TMEM19: variants seen among roughly 807,000 people sequenced by gnomAD.
TMEM19 encodes the protein transmembrane protein 19.
Under a neutral mutation model 33.6 loss-of-function variants are expected in TMEM19, and 21 were observed. The observed-to-expected ratio is 0.62, with a 90% confidence interval of 0.44 to 0.90. The LOEUF (loss-of-function observed/expected upper bound fraction) is 0.90, where lower values mean the gene tolerates loss of function less well. Among genes scored for constraint, TMEM19 ranks in the 40% least tolerant of loss-of-function variants. The probability of loss-of-function intolerance (pLI) is 0.00; values close to 1 mark genes in which losing one functional copy is unlikely to be tolerated. For synonymous variants in TMEM19, 149 were observed against 147.5 expected (o/e 1.01, Z -0.07); for missense variants, 402 against 401.8 (o/e 1.00, Z 0.00).
intron 2 of TMEM19, among the ~76,000 whole-genome samples, chr12:71,693,355 C>T (rs1166108389): frequency 6.6e-6 from 1 of 152,036 alleles, no homozygotes; most frequent in African/African-American, 2.4e-5. Flanking sequence ...CGCCGCCACA[C>T]CCAGCTTTTC....
At chr12:71,692,730 ACTC>A (rs1881805169) in intron 2 of TMEM19, among the ~76,000 whole-genome samples, 1 of 152,012 alleles carries the variant, frequency 6.6e-6, no homozygotes, top group African/African-American at 2.4e-5. Context: ...TAGATTATAA[ACTC>A]CTTGAGGACA....
chr12:71,700,107 C>A (rs570593353), intron 5 of TMEM19, among the ~76,000 whole-genome samples: 1 of 152,210 alleles, frequency 6.6e-6, no homozygotes, highest in Non-Finnish European at 1.5e-5. Flanking sequence ...CTTCCTCCCC[C>A]TCTCCATCAG....
chr12:71,694,181 AGTCTCTAAGCTGCACACT>A (rs1881832889), intron 2 of TMEM19, among the ~76,000 whole-genome samples: 1 of 152,238 alleles, frequency 6.6e-6, no homozygotes, highest in Admixed American at 6.5e-5. Context: ...AGTCACAGTC[AGTCTCTAAGCTGCACACT>A]GAAGTGGAGG....
Position 71,700,908 on chromosome 12 carries a change from T to G in TMEM19, c.924T>G (p.Leu308=). Residue 308 remains leucine, a synonymous_variant, in exon 6 of 6, where the codon CTT becomes CTG. Transcript: ENST00000266673. ...GGCACATAGCAGGGAAACCCATTCT[T>G]GATAACAACGCAGTGAATCTGTTTT... ...KARHIAGKPI[L]DNNAVNLFSS... 1 of 1,613,940 alleles carries G rather than the reference T, an allele frequency of 6.2e-7. No individual in the cohort carries two copies. The highest frequency in any genetic ancestry group is 8.5e-7 in the Non-Finnish European group (1 of 1,179,908).
At chr12:71,697,170 T>G in intron 3 of TMEM19, 110 bp from the exon 4 acceptor site, 1 of 1,438,206 alleles carries the variant, frequency 7.0e-7, no homozygotes, top group South Asian at 1.4e-5. Flanking sequence ...TTTTTAAATT[T>G]TTTTGTTGTT....
In TMEM19 at chr12:71,686,492, T is replaced by C. The variant is rs2304269; in HGVS notation, c.-189T>C. On this transcript the variant is annotated 5_prime_UTR_variant, in exon 1 of 6. Coordinates refer to ENST00000266673, the MANE Select transcript of TMEM19 (RefSeq NM_018279.4). The stretch of plus-strand genomic sequence containing the variant: ...GAGGCGTTGACCACGCCCATATGAA[T>C]TGGAGCTCTCCGCCAGTAGGAGTTT... The C allele has an allele frequency of 0.093, 51,093 of 551,848 alleles. 4,721 individuals are homozygous for C. The highest frequency in any genetic ancestry group is 0.41 in the East Asian group (10,306 of 24,994). The allele number at this position is 551,848 out of a possible 1,614,324, so 34.2% of individuals were successfully genotyped here.
chr12:71,698,607 A>AAGAGAGAGAGAG (rs71068787), intron 4 of TMEM19, among the ~76,000 whole-genome samples: 3 of 121,232 alleles, frequency 2.5e-5, no homozygotes, highest in East Asian at 5.8e-4. Context: ...TGTCTCTGAA[A>AAGAGAGAGAGAG]AGAGAGAGAG....
At position 71,689,697 on chromosome 12, in the gene TMEM19, T is replaced by A. The variant is rs1881752645; in HGVS notation, c.237T>A (p.Ala79=). The A allele has an allele frequency of 6.2e-7, 1 of 1,609,198 alleles. No individual in the cohort carries two copies. Among genetic ancestry groups the A allele is most frequent in the Admixed American group, 1.7e-5 (1 of 59,842 alleles). ...LKKKSLDHSG[A]LGGLVVGFIL... ...AGAAAAGTCTAGATCACAGTGGGGCTCTAGGAGGTATGTTTTTATTTTGAA... is the reference window on the plus strand; with the variant it reads ...AGAAAAGTCTAGATCACAGTGGGGCACTAGGAGGTATGTTTTTATTTTGAA... Residue 79 remains alanine, a synonymous_variant, in exon 2 of 6, where the codon GCT becomes GCA. Transcript: ENST00000266673.
chr12:71,693,417 G>T (rs1881819150), intron 2 of TMEM19, among the ~76,000 whole-genome samples: 1 of 152,022 alleles, frequency 6.6e-6, no homozygotes, highest in African/African-American at 2.4e-5. Context: ...ATCTAATGCT[G>T]ATTTAAAGTA....
chr12:71,694,804 G>A (rs776660381), intron 2 of TMEM19, among the ~76,000 whole-genome samples: 24 of 152,136 alleles, frequency 1.6e-4, no homozygotes, highest in Non-Finnish European at 2.8e-4. Flanking sequence ...TGAAGCAATA[G>A]GTGAGCTTTG....
chr12:71,698,692 G>A (rs1210830116), intron 4 of TMEM19, among the ~76,000 whole-genome samples: 1 of 150,794 alleles, frequency 6.6e-6, no homozygotes. Context: ...AGGCAGTCTG[G>A]CTTCATTGAA....
chr12:71,703,374 GAC>G lies in TMEM19; in HGVS notation c.*2383_*2384del, dbSNP rs1472307547. ...TTATGGATGAATAACTTCTGGTAAT[GAC>G]ACAGTGTCTTACAGCTACATCATTT... On this transcript the variant is annotated 3_prime_UTR_variant, in exon 6 of 6. Transcript: ENST00000266673. 2.0e-5 allele frequency: 3 copies of G among 152,050 alleles called. No individual in the cohort carries two copies. The highest frequency in any genetic ancestry group is 7.2e-5 in the African/African-American group (3 of 41,388). The allele number at this position is 152,050 out of a possible 1,614,324, so 9.4% of individuals were successfully genotyped here.
intron 3 of TMEM19, 90 bp downstream of exon 3, chr12:71,696,663 T>C (rs987571256): frequency 9.5e-6 from 12 of 1,258,106 alleles, no homozygotes; most frequent in Non-Finnish European, 1.2e-5. Context: ...GTTTTTTTTT[T>C]TGAGACGGAG....
intron 5 of TMEM19, chr12:71,699,360 C>T (rs530694785): frequency 4.0e-4 from 230 of 573,130 alleles, no homozygotes; most frequent in South Asian, 5.8e-4. Flanking sequence ...AGAGAACAGA[C>T]GTTTTTGTGT....
chr12:71,697,549 C>T lies in TMEM19; in HGVS notation c.637+15C>T. ...AGTTCCAGTTGGTGAGTTTTTTCTT[C>T]TTTTTGACCCATTGGTAGACACAGT... On this transcript the variant is annotated intron_variant, in intron 4 of 5. Coordinates refer to ENST00000266673, the MANE Select transcript of TMEM19 (RefSeq NM_018279.4). 6.4e-7 allele frequency: 1 copy of T among 1,561,228 alleles called. No individual in the cohort carries two copies. Among genetic ancestry groups the T allele is most frequent in the Non-Finnish European group, 8.6e-7 (1 of 1,163,608 alleles).
rs894943119 is a variant in TMEM19 at position 71,702,027 on chromosome 12, A to G, written c.*1032A>G. On this transcript the variant is annotated 3_prime_UTR_variant, in exon 6 of 6. Transcript: ENST00000266673. ...TTGACAGGGTACAGAGTATTTTACT[A>G]AAAGTATTTTTAAATGTTTCTCATG... 3.3e-4 allele frequency: 50 copies of G among 152,346 alleles called. 1 individual carries two copies. The highest frequency in any genetic ancestry group is 1.0e-3 in the African/African-American group (43 of 41,574). 9.4% of individuals were successfully genotyped at this position (152,346 alleles called of 1,614,324 possible).
At position 71,689,589 on chromosome 12, in the gene TMEM19, A is replaced by G; in HGVS notation, c.131-2A>G. 4 of 1,613,052 alleles carry G rather than the reference A, an allele frequency of 2.5e-6. No homozygotes were observed. Among genetic ancestry groups the G allele is most frequent in the Non-Finnish European group, 3.4e-6 (4 of 1,179,040 alleles). On this transcript the variant is annotated splice_acceptor_variant, in intron 1 of 5. Coordinates refer to ENST00000266673, the MANE Select transcript of TMEM19 (RefSeq NM_018279.4). LOFTEE classifies it high-confidence loss of function. ...TTGTGCTCCACCTTTATAATTTTTCAGGTAACTTACGACCTATTTCTCCGT... is the reference window on the plus strand; with the variant it reads ...TTGTGCTCCACCTTTATAATTTTTCGGGTAACTTACGACCTATTTCTCCGT...
chr12:71,687,310 G>A (rs1881709424), intron 1 of TMEM19, among the ~76,000 whole-genome samples: 1 of 152,206 alleles, frequency 6.6e-6, no homozygotes, highest in Non-Finnish European at 1.5e-5. Flanking sequence ...CAGGCGCGGT[G>A]GCTCACGCCT....
chr12:71,698,466 A>G (rs928655562), intron 4 of TMEM19, among the ~76,000 whole-genome samples: 5 of 152,190 alleles, frequency 3.3e-5, no homozygotes, highest in African/African-American at 1.2e-4. Flanking sequence ...GGGCCTGGCA[A>G]GGTGGCTCAT....
Sources: allele counts gnomAD v4.1 joint callset (sites outside exome capture counted in the v4.1 genomes callset), GRCh38; gene constraint gnomAD v4.1.1; transcripts MANE v1.5; gene names NCBI Gene and HGNC (gene_info 2026-07-23, HGNC 2026-07-21).